The following CHD2 variants were observed in gnomAD, a reference collection of about 807,000 sequenced individuals.
CHD2 encodes the protein ATP-dependent chromatin remodeler CHD2.
Under a neutral mutation model 243.9 loss-of-function variants are expected in CHD2, and 28 were observed. That is an observed-to-expected ratio of 0.11 (90% CI 0.09 to 0.16). CHD2 has a LOEUF of 0.16. Among genes scored for constraint, CHD2 ranks in the 10% least tolerant of loss-of-function variants. The pLI, the probability that CHD2 is intolerant of heterozygous loss-of-function variation, is 1.00. For synonymous variants in CHD2, 775 were observed against 779.0 expected (o/e 0.99, Z 0.09); for missense variants, 1,386 against 2,209.8 (o/e 0.63, Z 7.47).
chr15:92,984,442 G>A lies in CHD2; in HGVS notation c.3179G>A (p.Arg1060Gln). 1 of 1,612,584 alleles carries A rather than the reference G, an allele frequency of 6.2e-7. No homozygotes were observed. The highest frequency in any genetic ancestry group is 8.5e-7 in the Non-Finnish European group (1 of 1,179,166). Residue 1060 changes from arginine to glutamine, a missense_variant, in exon 25 of 39, where the codon CGG becomes CAG. By Grantham distance (43) the Arg-to-Gln change is conservative (BLOSUM62 1). Around this residue, in one of 19 missense-constraint regions of CHD2, gnomAD observed 99 missense variants for 206.4 expected, o/e 0.48. Transcript: ENST00000394196. The part of the protein sequence containing the change: ...EQRKKVEEEE[R>Q]QKELEEIYML... ...AGGAAAAAAGTAGAGGAGGAAGAGCGGCAGAAGGAGCTAGAAGAAATTTAT... is the reference window on the plus strand; with the variant it reads ...AGGAAAAAAGTAGAGGAGGAAGAGCAGCAGAAGGAGCTAGAAGAAATTTAT...
At chr15:92,989,987 C>T (rs1287152498) in intron 26 of CHD2, among the ~76,000 whole-genome samples, 1 of 152,160 alleles carries the variant, frequency 6.6e-6, no homozygotes, top group South Asian at 2.1e-4. Flanking sequence ...TTCTTTTTGT[C>T]TTTGTTCAAC....
chr15:92,910,396 C>G (rs2052709545), intron 2 of CHD2, among the ~76,000 whole-genome samples: 2 of 151,982 alleles, frequency 1.3e-5, no homozygotes, highest in Non-Finnish European at 1.5e-5. Context: ...TCCTGCTGAT[C>G]TTATTTATTT....
At chr15:92,920,281 GTT>G (rs1480003698) in intron 2 of CHD2, among the ~76,000 whole-genome samples, 1 of 152,120 alleles carries the variant, frequency 6.6e-6, no homozygotes, top group Non-Finnish European at 1.5e-5. Flanking sequence ...ACAGTCAACA[GTT>G]TCCAAATACA....
rs561744212 is a variant in CHD2, at chr15:93,027,051, C to T, written c.*2346C>T. 5 of 152,776 alleles carry T rather than the reference C, an allele frequency of 3.3e-5. No homozygotes were observed. The South Asian group carries it at 6.2e-4, about 19-fold the overall frequency. The allele number at this position is 152,776 out of a possible 1,614,324, so 9.5% of individuals were successfully genotyped here. A position where few individuals can be genotyped will look rare whatever the true frequency, so the allele number is the denominator to read the frequency against. On this transcript the variant is annotated 3_prime_UTR_variant, in exon 39 of 39. Coordinates refer to ENST00000394196, the MANE Select transcript of CHD2 (RefSeq NM_001271.4). ...CATATGAAGTAGCAAAAGGCAGTATCGGCCAGATCAGTGTTACATTGATTC... is the reference window on the plus strand; with the variant it reads ...CATATGAAGTAGCAAAAGGCAGTATTGGCCAGATCAGTGTTACATTGATTC...
chr15:93,023,683 T>G (rs1216801169), intron 38 of CHD2, among the ~76,000 whole-genome samples: 3 of 149,614 alleles, frequency 2.0e-5, no homozygotes, highest in Non-Finnish European at 4.5e-5. Flanking sequence ...TTTTTTGTGT[T>G]TTTTTTTAAT....
At chr15:92,963,024 G>A (rs971231415) in intron 16 of CHD2, among the ~76,000 whole-genome samples, 1 of 152,112 alleles carries the variant, frequency 6.6e-6, no homozygotes, top group Non-Finnish European at 1.5e-5. Flanking sequence ...CATTTGCATG[G>A]TATACTGTTT....
intron 31 of CHD2, among the ~76,000 whole-genome samples, chr15:92,999,150 C>T (rs1268928144): frequency 1.4e-5 from 2 of 147,072 alleles, no homozygotes; most frequent in African/African-American, 5.1e-5. Context: ...TGGCAGCTTT[C>T]TTACAAACCC....
At chr15:92,983,474 C>T (rs2054004689) in intron 24 of CHD2, among the ~76,000 whole-genome samples, 1 of 152,134 alleles carries the variant, frequency 6.6e-6, no homozygotes, top group African/African-American at 2.4e-5. Context: ...ACTGTTGGCT[C>T]CAAGGAATGG....
intron 36 of CHD2, among the ~76,000 whole-genome samples, chr15:93,013,922 C>CT (rs2054424225): frequency 2.2e-5 from 2 of 89,568 alleles, no homozygotes; most frequent in South Asian, 9.5e-4. Flanking sequence ...GAGTGAGACT[C>CT]TGTCTCAAAA....
chr15:92,966,176 G>A (rs1327393023), intron 16 of CHD2, among the ~76,000 whole-genome samples: 3 of 149,032 alleles, frequency 2.0e-5, no homozygotes, highest in African/African-American at 7.4e-5. Flanking sequence ...TGATTCTCCT[G>A]CCTCAGCCTC....
rs752343848 is a variant in CHD2 at position 92,924,344 on chromosome 15, C to T, written c.86C>T (p.Ser29Leu). Residue 29 changes from serine to leucine, a missense_variant, in exon 3 of 39, where the codon TCG becomes TTG. Ser to Leu is a moderately radical substitution (Grantham distance 145). This residue lies in a region of CHD2 where 89 missense variants were observed against 102.4 expected (regional missense o/e 0.87). Transcript: ENST00000394196. ...ASSHSASEEA[S>L]GSDSGSQSES... ...AGTCACTCAGCCTCTGAAGAAGCTT[C>T]GGGTTCAGACTCAGGCAGTCAGTCG... 6.8e-6 allele frequency: 11 copies of T among 1,613,732 alleles called. No homozygotes were observed. Among genetic ancestry groups the T allele is most frequent in the African/African-American group, 2.7e-5 (2 of 74,878 alleles).
intron 2 of CHD2, among the ~76,000 whole-genome samples, chr15:92,903,074 G>A (rs1221180190): frequency 6.6e-6 from 1 of 152,162 alleles, no homozygotes; most frequent in Non-Finnish European, 1.5e-5. Context: ...CCTGATGGAT[G>A]TCCAAAAATA....
chr15:92,906,366 AAAT>A (rs2052621668), intron 2 of CHD2, among the ~76,000 whole-genome samples: 1 of 152,220 alleles, frequency 6.6e-6, no homozygotes, highest in Non-Finnish European at 1.5e-5. Flanking sequence ...GAAGGTGGGC[AAAT>A]AATATTTTTG....
intron 5 of CHD2, among the ~76,000 whole-genome samples, chr15:92,931,199 T>C (rs2053160172): frequency 6.6e-6 from 1 of 152,220 alleles, no homozygotes; most frequent in Non-Finnish European, 1.5e-5. Flanking sequence ...AATGCTTTTC[T>C]GAAACCCTGC....
At position 93,003,998 on chromosome 15, in the gene CHD2, C is replaced by T. The variant is rs1021215496; in HGVS notation, c.4279-619C>T. ...AAATAGCTGGGTGTGGTGGCGTGCGCCTGTAATCTGAGCTACTTGGGAGGC... is the reference window on the plus strand; with the variant it reads ...AAATAGCTGGGTGTGGTGGCGTGCGTCTGTAATCTGAGCTACTTGGGAGGC... On this transcript the variant is annotated intron_variant, in intron 33 of 38. Coordinates refer to ENST00000394196, the MANE Select transcript of CHD2 (RefSeq NM_001271.4). Among the ~76,000 whole-genome samples, 5 of 151,978 alleles carry T rather than the reference C, an allele frequency of 3.3e-5. No individual in the cohort carries two copies. In the South Asian group the frequency reaches 1.0e-3, roughly 32 times the overall value.
At chr15:92,988,836 C>T (rs1415256779) in intron 26 of CHD2, among the ~76,000 whole-genome samples, 17 of 151,806 alleles carry the variant, frequency 1.1e-4, no homozygotes, top group Admixed American at 9.2e-4. Context: ...CGTTTTTAAA[C>T]AGCATTTCTG....
chr15:93,020,222 A>T lies in CHD2; in HGVS notation c.5117A>T (p.Asp1706Val). The T allele has an allele frequency of 6.2e-7, 1 of 1,614,196 alleles. No individual in the cohort carries two copies. Among genetic ancestry groups the T allele is most frequent in the Non-Finnish European group, 8.5e-7 (1 of 1,180,028 alleles). The change falls in exon 38 of 39, where the codon GAC becomes GTC. Residue 1706 changes from aspartate to valine, a missense_variant. Physicochemically the swap from Asp to Val is radical, Grantham distance 152 (BLOSUM62 -3). This residue lies in a region of CHD2 where 347 missense variants were observed against 341.6 expected (regional missense o/e 1.02). Coordinates refer to ENST00000394196, the MANE Select transcript of CHD2 (RefSeq NM_001271.4). ...AGGCCTTATGACCAGTACAGCAGTG[A>T]CCGAGACCACCGGGGACACAGAGAT... ...RKRPYDQYSS[D>V]RDHRGHRDYY...
chr15:92,951,292 T>C (rs963564416), intron 13 of CHD2, among the ~76,000 whole-genome samples: 1 of 152,138 alleles, frequency 6.6e-6, no homozygotes, highest in Admixed American at 6.5e-5. Context: ...TGCCTCAGGC[T>C]CTTGAGTAGC....
Position 93,027,688 on chromosome 15 carries a change from G to C in CHD2, c.*2983G>C, listed in dbSNP as rs963921135. Reference sequence around the variant, plus strand: ...GCAGCAGCCCAGGCCCAGCACCAGCGGTCTTCCGGCTCCTCTGAGGGCTGC... The same window carrying C: ...GCAGCAGCCCAGGCCCAGCACCAGCCGTCTTCCGGCTCCTCTGAGGGCTGC... On this transcript the variant is annotated 3_prime_UTR_variant, in exon 39 of 39. Transcript: ENST00000394196. The C allele has an allele frequency of 1.3e-5, 2 of 152,728 alleles. No homozygotes were observed. The highest frequency in any genetic ancestry group is 2.9e-5 in the Non-Finnish European group (2 of 68,116). 9.5% of individuals were successfully genotyped at this position (152,728 alleles called of 1,614,324 possible).
Sources: gnomAD v4.1 joint callset for allele counts (sites outside exome capture counted in the v4.1 genomes callset) on GRCh38, gnomAD v4.1.1 for gene constraint, gnomAD v4.1.1 regional missense constraint, MANE v1.5 for transcripts, NCBI Gene and HGNC (gene_info 2026-07-23, HGNC 2026-07-21) for gene names.